Variants in RBFOX1 observed in about 807,000 individuals in gnomAD.
The protein encoded by RBFOX1 is RNA binding fox-1 homolog 1, also known as RNA binding protein fox-1 homolog 1.
Under a neutral mutation model 57.7 loss-of-function variants are expected in RBFOX1, and 8 were observed. The observed-to-expected ratio is 0.14, with a 90% CI of 0.08 to 0.25. RBFOX1 has a LOEUF of 0.25. RBFOX1 is among the 10% of genes least tolerant of loss of function. The pLI is 1.00. For synonymous variants in RBFOX1, 326 were observed against 222.4 expected (o/e 1.47, Z -4.15); for missense variants, 611 against 548.5 (o/e 1.11, Z -1.14).
chr16:6,681,935 A>C (rs546656872), intron 3 of RBFOX1, among the ~76,000 whole-genome samples: 1 of 152,308 alleles, frequency 6.6e-6, no homozygotes, highest in East Asian at 1.9e-4. Flanking sequence ...TGTCCCTTAA[A>C]GTAAGTTTTG....
chr16:6,547,944 C>G (rs1267360613), intron 2 of RBFOX1, among the ~76,000 whole-genome samples: 1 of 152,172 alleles, frequency 6.6e-6, no homozygotes, highest in East Asian at 1.9e-4. Context: ...AGACCCTTAG[C>G]TGGGAAACGT....
chr16:5,467,083 C>A, intron 1 of RBFOX1: 1 of 1,063,680 alleles, frequency 9.4e-7, no homozygotes, highest in Non-Finnish European at 1.3e-6. Flanking sequence ...ATTTAATGGA[C>A]GTTTTGAGAA....
chr16:6,079,937 T>C (rs919668673), intron 1 of RBFOX1, among the ~76,000 whole-genome samples: 1 of 152,272 alleles, frequency 6.6e-6, no homozygotes, highest in Non-Finnish European at 1.5e-5. Flanking sequence ...AGAATGCTCA[T>C]GTGTCTTGGA....
chr16:7,332,859 C>T (rs939087133), intron 4 of RBFOX1: 18 of 1,467,348 alleles, frequency 1.2e-5, no homozygotes, highest in African/African-American at 2.8e-5. Flanking sequence ...CTTTCCTCTC[C>T]CGGCGTTGAT....
At chr16:6,732,060 G>C (rs1391833286) in intron 3 of RBFOX1, among the ~76,000 whole-genome samples, 1 of 152,134 alleles carries the variant, frequency 6.6e-6, no homozygotes, top group Non-Finnish European at 1.5e-5. Context: ...TATGGCTTGA[G>C]ATCTATCCCT....
At chr16:5,681,857 C>G (rs751653391) in intron 3 of RBFOX1, among the ~76,000 whole-genome samples, 1 of 152,098 alleles carries the variant, frequency 6.6e-6, no homozygotes, top group African/African-American at 2.4e-5. Flanking sequence ...GAGAGAGGGA[C>G]TGACCTGGCT....
intron 1 of RBFOX1, among the ~76,000 whole-genome samples, chr16:6,057,636 T>C (rs778896610): frequency 4.6e-5 from 7 of 152,040 alleles, no homozygotes; most frequent in Admixed American, 6.6e-5. Flanking sequence ...AGGATGTATA[T>C]TGTTTCTCTA....
rs2096276789 is a variant in RBFOX1, at chr16:6,512,551, T to C, written c.-63-142052T>C. Among the ~76,000 whole-genome samples, 7 of 152,118 alleles carry C rather than the reference T, an allele frequency of 4.6e-5. No individual in the cohort carries two copies. In the South Asian group the frequency reaches 1.5e-3, roughly 32 times the overall value. On this transcript the variant is annotated intron_variant, in intron 2 of 15. Coordinates refer to ENST00000550418, the MANE Select transcript of RBFOX1 (RefSeq NM_018723.4). ...ACCAAGACTGGGTGTTGCTAGACAT[T>C]ACACAAGAGCCTCTTTTTAGTCTTC...
At chr16:7,159,345 C>G (rs939064305) in intron 4 of RBFOX1, among the ~76,000 whole-genome samples, 3 of 152,088 alleles carry the variant, frequency 2.0e-5, no homozygotes, top group African/African-American at 7.2e-5. Flanking sequence ...AGAGGGGTGG[C>G]AAGCCCCTGG....
rs374737299 is a variant in RBFOX1 at position 7,468,225 on chromosome 16, C to G, written c.28-49922C>G. Among the ~76,000 whole-genome samples the G allele has an allele frequency of 7.9e-5, 12 of 152,306 alleles. No individual in the cohort carries two copies. In the East Asian group the frequency reaches 1.5e-3, roughly 20 times the overall value. ...AGGGTAAGGAGACAATGAGCAAGCT[C>G]CTTTCTGCATACCCGCCCGACCTTT... On this transcript the variant is annotated intron_variant, in intron 4 of 15. Transcript: ENST00000550418.
In RBFOX1 at chr16:5,665,133, G is replaced by T. The variant is rs886256820; in HGVS notation, c.318+66172G>T. On this transcript the variant is annotated intron_variant, in intron 3 of 19. Coordinates refer to the RBFOX1 transcript ENST00000641259. ...GCTAACTTTTTGATATTTTTACATG[G>T]GGGGGGGCGGTCTTGCTATATTGCC... is the stretch of plus-strand genomic sequence containing the variant. Among the ~76,000 whole-genome samples the T allele has an allele frequency of 4.6e-4, 65 of 141,032 alleles. 1 individual carries two copies. Among genetic ancestry groups the T allele is most frequent in the African/African-American group, 1.6e-3 (64 of 39,536 alleles). The allele number at this position is 141,032 out of a possible 152,430, so 92.5% of individuals were successfully genotyped here. A position where few individuals can be genotyped will look rare whatever the true frequency, so the allele number is the denominator to read the frequency against.
At chr16:5,786,066 C>T (rs2054490910) in intron 3 of RBFOX1, among the ~76,000 whole-genome samples, 1 of 152,190 alleles carries the variant, frequency 6.6e-6, no homozygotes, top group South Asian at 2.1e-4. Context: ...ATTGGTCCTA[C>T]TGCCCTTTGG....
At chr16:5,790,459 A>G (rs1409794462) in intron 3 of RBFOX1, among the ~76,000 whole-genome samples, 1 of 152,138 alleles carries the variant, frequency 6.6e-6, no homozygotes, top group African/African-American at 2.4e-5. Flanking sequence ...AAAGGAAGAA[A>G]AAATTGCTGC....
chr16:5,419,240 A>G (rs1056017439), intron 1 of RBFOX1, among the ~76,000 whole-genome samples: 1 of 152,158 alleles, frequency 6.6e-6, no homozygotes, highest in Admixed American at 6.5e-5. Context: ...CACGATCACA[A>G]GTTGAAGTGG....
rs570034874 is a variant in RBFOX1 at position 6,664,311 on chromosome 16, T to C, written c.-16+9661T>C. Reference sequence around the variant, plus strand: ...TTCAGATTAGTAACCCTCATTCCTCTTGGGCATGGCTCTCATTCCAAACTA... The same window carrying C: ...TTCAGATTAGTAACCCTCATTCCTCCTGGGCATGGCTCTCATTCCAAACTA... On this transcript the variant is annotated intron_variant, in intron 3 of 15. Coordinates refer to ENST00000550418, the MANE Select transcript of RBFOX1 (RefSeq NM_018723.4). 5.3e-5 allele frequency among the ~76,000 whole-genome samples: 8 copies of C among 152,338 alleles called. No homozygotes were observed. In the South Asian group the frequency reaches 1.7e-3, roughly 32 times the overall value.
intron 3 of RBFOX1, among the ~76,000 whole-genome samples, chr16:6,926,852 G>A (rs184371220): frequency 1.3e-5 from 2 of 152,192 alleles, no homozygotes; most frequent in East Asian, 1.9e-4. Context: ...AAACATCCAC[G>A]TGACTCTTTT....
intron 11 of RBFOX1, among the ~76,000 whole-genome samples, chr16:7,638,448 G>C (rs1051500269): frequency 6.6e-6 from 1 of 152,136 alleles, no homozygotes; most frequent in African/African-American, 2.4e-5. Flanking sequence ...AAACAGGATG[G>C]ACTCCAAGAA....
At chr16:6,632,327 C>T (rs559829660) in intron 2 of RBFOX1, among the ~76,000 whole-genome samples, 67 of 148,752 alleles carry the variant, frequency 4.5e-4, no homozygotes, top group African/African-American at 1.6e-3. Context: ...TAAAGATAGC[C>T]AGGGAGAAAG....
intron 7 of RBFOX1, among the ~76,000 whole-genome samples, chr16:7,594,901 A>T (rs1313869137): frequency 1.3e-5 from 2 of 152,168 alleles, no homozygotes; most frequent in Non-Finnish European, 1.5e-5. Flanking sequence ...ACTGAAGTTT[A>T]TTTCTGTTCA....
Sources: gnomAD v4.1 joint callset for allele counts (sites outside exome capture counted in the v4.1 genomes callset) on GRCh38, gnomAD v4.1.1 for gene constraint, MANE v1.5 for transcripts, NCBI Gene and HGNC (gene_info 2026-07-23, HGNC 2026-07-21) for gene names.